MUTYH: variants seen among roughly 807,000 people sequenced by gnomAD.
MUTYH encodes the protein mutY DNA glycosylase, also known as adenine DNA glycosylase.
In MUTYH, 64 loss-of-function variants were observed where a neutral mutation model predicts 72.9. That is an observed-to-expected ratio of 0.88 (90% confidence interval 0.72 to 1.08). The LOEUF is 1.08. Ranked by LOEUF, MUTYH falls within the 50% of genes least tolerant of loss-of-function variation. The pLI, the probability that MUTYH is intolerant of heterozygous loss-of-function variation, is 0.00. For missense variants in MUTYH, 633 were observed against 671.0 expected (o/e 0.94, Z 0.63); for synonymous variants, 234 against 263.1 (o/e 0.89, Z 1.07).
At chr1:45,338,522 A>C (rs563897415) in intron 1 of MUTYH, 7 of 334,386 alleles carry the variant, frequency 2.1e-5, no homozygotes, top group African/African-American at 1.5e-4. Flanking sequence ...GTAATTTTAC[A>C]TTACTTTGAT....
upstream of MUTYH, chr1:45,340,110 C>A: frequency 1.3e-6 from 2 of 1,557,240 alleles, no homozygotes. Context: ...CGCGCCGGAC[C>A]CGGGACGTCT....
intron 2 of MUTYH, 26 bp downstream of exon 2, chr1:45,334,365 C>T (rs755434075): frequency 2.7e-5 from 43 of 1,613,456 alleles, no homozygotes; most frequent in Admixed American, 1.3e-4. Flanking sequence ...GGCCAATGAG[C>T]CTTGGGCCAC....
Position 45,331,653 on chromosome 1 carries a change from C to G in MUTYH, c.1102+8G>C, listed in dbSNP as rs2149124408. ...TGCCACTGCCCTCCACGCCCAGTATCCAGGTACCTGAGTTGGGCCTCTGCA... is the reference window on the plus strand; with the variant it reads ...TGCCACTGCCCTCCACGCCCAGTATGCAGGTACCTGAGTTGGGCCTCTGCA... On this transcript the variant is annotated splice_region_variant and intron_variant, in intron 12 of 15. Coordinates refer to ENST00000456914, the MANE Select transcript of MUTYH (RefSeq NM_001048174.2). 1 of 1,613,774 alleles carries G rather than the reference C, an allele frequency of 6.2e-7. No individual in the cohort carries two copies. Among genetic ancestry groups the G allele is most frequent in the Admixed American group, 1.7e-5 (1 of 60,032 alleles).
intron 11 of MUTYH, 76 bp downstream of exon 11, chr1:45,331,947 G>A (rs1337336293): frequency 6.2e-7 from 1 of 1,612,032 alleles, no homozygotes; most frequent in African/African-American, 1.3e-5. Flanking sequence ...ATCTTACTCA[G>A]GTTAGAGGAA....
chr1:45,339,913 G>A lies in MUTYH; in HGVS notation c.-21C>T, dbSNP rs780193031. The A allele has an allele frequency of 1.4e-6, 2 of 1,437,660 alleles. No individual in the cohort carries two copies. Among genetic ancestry groups the A allele is most frequent in the South Asian group, 2.4e-5 (2 of 83,272 alleles). 89.1% of individuals were successfully genotyped at this position (1,437,660 alleles called of 1,614,324 possible). A position where few individuals can be genotyped will look rare whatever the true frequency, so the allele number is the denominator to read the frequency against. On this transcript the variant is annotated 5_prime_UTR_variant, in exon 1 of 16. Transcript: ENST00000456914. ...CTACCCGCTACCCGCGGCCCACGCT[G>A]ATGAAGACAGCAGAACACGGAGGCC...
In MUTYH at chr1:45,339,932, G is replaced by T. The variant is rs529425621; in HGVS notation, c.-40C>A. Reference sequence around the variant, plus strand: ...CACGCTGATGAAGACAGCAGAACACGGAGGCCCCGCGTTCCCGCCGCGAGA... The same window carrying T: ...CACGCTGATGAAGACAGCAGAACACTGAGGCCCCGCGTTCCCGCCGCGAGA... On this transcript the variant is annotated 5_prime_UTR_variant, in exon 1 of 16. Coordinates refer to ENST00000456914, the MANE Select transcript of MUTYH (RefSeq NM_001048174.2). The T allele has an allele frequency of 2.8e-5, 41 of 1,458,566 alleles. 1 individual carries two copies. In the South Asian group the frequency reaches 3.6e-4, roughly 13 times the overall value. The allele number at this position is 1,458,566 out of a possible 1,614,324, so 90.4% of individuals were successfully genotyped here.
In MUTYH at chr1:45,332,905, G is replaced by A. The variant is rs2149160402; in HGVS notation, c.420+13C>T. 1.2e-6 allele frequency: 2 copies of A among 1,614,020 alleles called. No individual in the cohort carries two copies. Among genetic ancestry groups the A allele is most frequent in the African/African-American group, 2.7e-5 (2 of 75,028 alleles). ...TATTGTTCCTATTTCCCCTACCCTAGGGTGGCTCTCACCTCCAGGGAAGCA... is the reference window on the plus strand; with the variant it reads ...TATTGTTCCTATTTCCCCTACCCTAAGGTGGCTCTCACCTCCAGGGAAGCA... On this transcript the variant is annotated intron_variant, in intron 6 of 15. Transcript: ENST00000456914.
chr1:45,339,892 C>A lies in MUTYH; in HGVS notation c.-7+7G>T. ...AGCCCAAACCCAGCCACCCCACTACCCGCTACCCGCGGCCCACGCTGATGA... is the reference window on the plus strand; with the variant it reads ...AGCCCAAACCCAGCCACCCCACTACACGCTACCCGCGGCCCACGCTGATGA... On this transcript the variant is annotated splice_region_variant and intron_variant, in intron 1 of 15. Coordinates refer to ENST00000456914, the MANE Select transcript of MUTYH (RefSeq NM_001048174.2). 2.1e-6 allele frequency: 3 copies of A among 1,404,250 alleles called. No individual in the cohort carries two copies. The highest frequency in any genetic ancestry group is 2.8e-6 in the Non-Finnish European group (3 of 1,052,868). The allele number at this position is 1,404,250 out of a possible 1,614,324, so 87.0% of individuals were successfully genotyped here. A position where few individuals can be genotyped will look rare whatever the true frequency, so the allele number is the denominator to read the frequency against.
chr1:45,334,520 A>C lies in MUTYH; in HGVS notation c.-6-9T>G. 1 of 1,614,010 alleles carries C rather than the reference A, an allele frequency of 6.2e-7. No individual in the cohort carries two copies. Among genetic ancestry groups the C allele is most frequent in the Middle Eastern group, 1.6e-4 (1 of 6,062 alleles). On this transcript the variant is annotated splice_polypyrimidine_tract_variant and intron_variant, in intron 1 of 15. Transcript: ENST00000456914. ...GGCTTCCTCATGATGGCCTGAAACA[A>C]AAAGACCCAGCCAAAGCAGTCAGTC... is the stretch of plus-strand genomic sequence containing the variant.
intron 15 of MUTYH, 91 bp downstream of exon 15, chr1:45,330,425 A>G: frequency 1.5e-6 from 2 of 1,379,294 alleles, no homozygotes; most frequent in Non-Finnish European, 2.0e-6. Context: ...GGAGTGGAGA[A>G]TGTTCACCCA....
At position 45,331,715 on chromosome 1, in the gene MUTYH, C is replaced by T. The variant is rs772113192; in HGVS notation, c.1048G>A (p.Glu350Lys). 6.2e-7 allele frequency: 1 copy of T among 1,614,186 alleles called. No homozygotes were observed. The highest frequency in any genetic ancestry group is 1.1e-5 in the South Asian group (1 of 91,092). Residue 350 changes from glutamate (E) to lysine (K), a missense_variant, in exon 12 of 16, where the codon GAA (glutamate) becomes AAA (lysine). Coordinates refer to ENST00000456914, the MANE Select transcript of MUTYH (RefSeq NM_001048174.2). ...TGGGCCCCAAGGGCCCCAGGCTGTT[C>T]CAGAACACAGGTGGCAGAGCTCTCC... ...REESSATCVL[E>K]QPGALGAQIL...
In MUTYH at chr1:45,339,626, T is replaced by G. The variant is rs370343800; in HGVS notation, c.-7+273A>C. The G allele has an allele frequency of 4.4e-4, 156 of 357,700 alleles. 1 individual carries two copies. Among genetic ancestry groups the G allele is most frequent in the East Asian group, 1.6e-3 (21 of 12,854 alleles). The allele number at this position is 357,700 out of a possible 1,614,324, so 22.2% of individuals were successfully genotyped here. On this transcript the variant is annotated intron_variant, in intron 1 of 15. Transcript: ENST00000456914. ...TGCCAGCCTTAATTCAAGTTCACAT[T>G]ATCACTTGATTGGATTATTACAAAA...
rs4660848 is a variant in MUTYH at position 45,331,176 on chromosome 1, T to C, written c.1392+6A>G. The C allele has an allele frequency of 6.2e-7, 1 of 1,613,964 alleles. No individual in the cohort carries two copies. The highest frequency in any genetic ancestry group is 2.2e-5 in the East Asian group (1 of 44,882). ...GGAAGTACAACAAAGACAACAAAGG[T>C]AGTGCCTTTTTCATGGCGGTGGAAA... On this transcript the variant is annotated splice_donor_region_variant and intron_variant, in intron 14 of 15. Transcript: ENST00000456914.
Position 45,333,470 on chromosome 1 carries a change from T to C in MUTYH, c.207A>G (p.Arg69=). The C allele has an allele frequency of 6.2e-7, 1 of 1,614,194 alleles. No homozygotes were observed. Among genetic ancestry groups the C allele is most frequent in the Non-Finnish European group, 8.5e-7 (1 of 1,180,024 alleles). The change falls in exon 3 of 16, where the codon CGA becomes CGG. Residue 69 remains arginine, a synonymous_variant. Transcript: ENST00000456914. ...GGTCGTACCAGCTTAGCAGGCTCCC[T>C]CGGAAGGCTGTGACTTCAGCTACGT... ...FRDVAEVTAF[R]GSLLSWYDQE...
upstream of MUTYH, chr1:45,340,057 GC>G (rs986134085): frequency 1.0e-5 from 16 of 1,542,820 alleles, no homozygotes; most frequent in Middle Eastern, 2.0e-4. Context: ...CGAGCCGGCA[GC>G]ACAGGCCAAT....
rs1325104263 is a variant in MUTYH, at chr1:45,332,913, C to G, written c.420+5G>C. ...CTATTTCCCCTACCCTAGGGTGGCTCTCACCTCCAGGGAAGCACTGGCCAG... is the reference window on the plus strand; with the variant it reads ...CTATTTCCCCTACCCTAGGGTGGCTGTCACCTCCAGGGAAGCACTGGCCAG... On this transcript the variant is annotated splice_donor_5th_base_variant and intron_variant, in intron 6 of 15. Coordinates refer to ENST00000456914, the MANE Select transcript of MUTYH (RefSeq NM_001048174.2). 1.9e-6 allele frequency: 3 copies of G among 1,614,088 alleles called. No individual in the cohort carries two copies. In the South Asian group the frequency reaches 3.3e-5, roughly 18 times the overall value.
In MUTYH at chr1:45,339,961, G is replaced by A. The variant is rs769022410; in HGVS notation, c.-69C>T. The A allele has an allele frequency of 5.9e-6, 9 of 1,514,056 alleles. No homozygotes were observed. The South Asian group carries it at 8.4e-5, about 14-fold the overall frequency. 93.8% of individuals were successfully genotyped at this position (1,514,056 alleles called of 1,614,324 possible). A position where few individuals can be genotyped will look rare whatever the true frequency, so the allele number is the denominator to read the frequency against. ...GCCCCGCGTTCCCGCCGCGAGAGCA[G>A]GAGAGAAAGATTACCTCCCGCGAGC... On this transcript the variant is annotated 5_prime_UTR_variant, in exon 1 of 16. Coordinates refer to ENST00000456914, the MANE Select transcript of MUTYH (RefSeq NM_001048174.2).
chr1:45,337,524 C>T (rs550778166), intron 1 of MUTYH, among the ~76,000 whole-genome samples: 25 of 151,684 alleles, frequency 1.6e-4, no homozygotes, highest in African/African-American at 5.6e-4. Context: ...TCCTTCCTTC[C>T]TTTTTTCCTT....
rs1481377768 is a variant in MUTYH, at chr1:45,339,881, C to T, written c.-7+18G>A. 2 of 1,388,014 alleles carry T rather than the reference C, an allele frequency of 1.4e-6. No individual in the cohort carries two copies. Among genetic ancestry groups the T allele is most frequent in the Non-Finnish European group, 1.9e-6 (2 of 1,042,710 alleles). 86.0% of individuals were successfully genotyped at this position (1,388,014 alleles called of 1,614,324 possible). On this transcript the variant is annotated intron_variant, in intron 1 of 15. Transcript: ENST00000456914. ...CTTCTCTGGAAAGCCCAAACCCAGCCACCCCACTACCCGCTACCCGCGGCC... is the reference window on the plus strand; with the variant it reads ...CTTCTCTGGAAAGCCCAAACCCAGCTACCCCACTACCCGCTACCCGCGGCC...
Sources: allele counts gnomAD v4.1 joint callset (sites outside exome capture counted in the v4.1 genomes callset), GRCh38; gene constraint gnomAD v4.1.1; transcripts MANE v1.5; gene names NCBI Gene and HGNC (gene_info 2026-07-23, HGNC 2026-07-21).